Variants in ITPK1 observed in about 807,000 individuals in gnomAD.
ITPK1 encodes the protein inositol-tetrakisphosphate 1-kinase.
A neutral mutation model predicts 45.3 loss-of-function variants in ITPK1; 21 were observed. That is an observed-to-expected ratio of 0.46 (90% confidence interval 0.33 to 0.67). ITPK1 has a LOEUF of 0.67. ITPK1 is among the 30% of genes least tolerant of loss of function. ITPK1 has a pLI of 0.02. For missense variants in ITPK1, 474 were observed against 573.5 expected (o/e 0.83, Z 1.77); for synonymous variants, 258 against 253.6 (o/e 1.02, Z -0.16).
At chr14:93,093,036 G>A (rs959471501) in intron 2 of ITPK1, among the ~76,000 whole-genome samples, 7 of 152,222 alleles carry the variant, frequency 4.6e-5, no homozygotes, top group South Asian at 2.1e-4. Flanking sequence ...TCACAATGAC[G>A]CCCCCAGCTC....
intron 2 of ITPK1, among the ~76,000 whole-genome samples, chr14:93,077,027 G>A (rs975760720): frequency 2.6e-5 from 4 of 152,000 alleles, no homozygotes; most frequent in African/African-American, 7.3e-5. Flanking sequence ...ATCAGGTCTC[G>A]CCCCAGGACC....
chr14:92,993,784 G>A (rs1886907491), intron 5 of ITPK1, 96 bp downstream of exon 5: 1 of 767,628 alleles, frequency 1.3e-6, no homozygotes, highest in Admixed American at 1.9e-5. Context: ...TGCTTAAAAA[G>A]ACAAGACCCC....
At chr14:92,961,024 G>A (rs146425847) in intron 7 of ITPK1, among the ~76,000 whole-genome samples, 173 of 152,370 alleles carry the variant, frequency 1.1e-3, no homozygotes, top group East Asian at 0.011. Context: ...ATACTTCCCC[G>A]GAAGTGCAGG....
In ITPK1 at chr14:93,077,200, C is replaced by T. The variant is rs181962875; in HGVS notation, c.96-581G>A. Among the ~76,000 whole-genome samples the T allele has an allele frequency of 4.6e-5, 7 of 152,306 alleles. No homozygotes were observed. In the East Asian group the frequency reaches 1.4e-3, roughly 29 times the overall value. On this transcript the variant is annotated intron_variant, in intron 2 of 10. Coordinates refer to ENST00000267615, the MANE Select transcript of ITPK1 (RefSeq NM_014216.6). ...TACATCTTCCCCGCTCACATGCAGTCCCACGGCCACCACGTAACCTGACTC... is the reference window on the plus strand; with the variant it reads ...TACATCTTCCCCGCTCACATGCAGTTCCACGGCCACCACGTAACCTGACTC...
In ITPK1 at chr14:92,951,124, C is replaced by G. The variant is rs1045989610; in HGVS notation, c.738+822G>C. Among the ~76,000 whole-genome samples the G allele has an allele frequency of 2.6e-5, 4 of 152,244 alleles. No individual in the cohort carries two copies. In the East Asian group the frequency reaches 5.8e-4, roughly 22 times the overall value. ...GGAGGAAGAGACCAGCAAAGCCCCC[C>G]AGAAGAGCAGCACACATGCATCCTC... On this transcript the variant is annotated intron_variant, in intron 9 of 10. Transcript: ENST00000267615.
At chr14:93,066,308 G>A (rs1472724160) in intron 3 of ITPK1, 1 of 428,986 alleles carries the variant, frequency 2.3e-6, no homozygotes, top group Non-Finnish European at 4.7e-6. Context: ...GCGCGTGCAT[G>A]TGTGTGTGTG....
chr14:93,089,818 A>T (rs112587927), intron 2 of ITPK1, among the ~76,000 whole-genome samples: 2,539 of 152,264 alleles, frequency 0.017, 76 homozygotes, highest in African/African-American at 0.058. Flanking sequence ...CCATGGCTAC[A>T]GTCCCCAAAC....
intron 3 of ITPK1, among the ~76,000 whole-genome samples, chr14:93,061,530 TGA>T (rs1435785162): frequency 6.6e-6 from 1 of 152,026 alleles, no homozygotes; most frequent in Non-Finnish European, 1.5e-5. Flanking sequence ...GGAGGGCACA[TGA>T]GAGAGAAATG....
Position 93,016,859 on chromosome 14 carries a change from C to T in ITPK1, c.121-58G>A, listed in dbSNP as rs1168264100. ...ACTTCAGCACCTGAGTCCACTGCCC[C>T]CATCCTCTTGTCCACCCTGGGGCAT... On this transcript the variant is annotated intron_variant, in intron 3 of 10. Transcript: ENST00000267615. This position sits in a 1 kb window ranked among gnomAD's most constrained non-coding sequence, Gnocchi z 5.0. The T allele has an allele frequency of 1.3e-6, 2 of 1,599,608 alleles. No individual in the cohort carries two copies. The highest frequency in any genetic ancestry group is 2.2e-5 in the East Asian group (1 of 44,758).
intron 4 of ITPK1, among the ~76,000 whole-genome samples, chr14:93,009,630 G>A (rs991105476): frequency 6.6e-6 from 1 of 152,140 alleles, no homozygotes; most frequent in Non-Finnish European, 1.5e-5. Context: ...AGGAGGAGTC[G>A]CCTATGACCC....
intron 3 of ITPK1, among the ~76,000 whole-genome samples, chr14:93,060,640 G>A (rs573923618): frequency 3.9e-5 from 6 of 152,314 alleles, no homozygotes; most frequent in Admixed American, 3.9e-4. Context: ...ATTCAGGAAG[G>A]CCACGGGAGG....
chr14:92,952,136 G>T, intron 8 of ITPK1, 123 bp from the exon 9 acceptor site: 1 of 766,804 alleles, frequency 1.3e-6, no homozygotes, highest in Non-Finnish European at 2.2e-6. Context: ...GCTCTGCAGA[G>T]CCCTGGGCTC....
intron 2 of ITPK1, among the ~76,000 whole-genome samples, chr14:93,104,976 G>C (rs1566788611): frequency 6.6e-6 from 1 of 152,196 alleles, no homozygotes; most frequent in African/African-American, 2.4e-5. Flanking sequence ...TCGGTCCCAG[G>C]AATGTCTCTT....
At position 93,097,364 on chromosome 14, in the gene ITPK1, G is replaced by C. The variant is rs542014688; in HGVS notation, c.95+17705C>G. On this transcript the variant is annotated intron_variant, in intron 2 of 10. Coordinates refer to ENST00000267615, the MANE Select transcript of ITPK1 (RefSeq NM_014216.6). Reference sequence around the variant, plus strand: ...GAGGCCTTGGAAACATCCACTGTTAGTGTCAGGAACAAGCCCAGCAGCCTG... The same window carrying C: ...GAGGCCTTGGAAACATCCACTGTTACTGTCAGGAACAAGCCCAGCAGCCTG... 2.0e-5 allele frequency among the ~76,000 whole-genome samples: 3 copies of C among 152,312 alleles called. No individual in the cohort carries two copies. The East Asian group carries it at 5.8e-4, about 29-fold the overall frequency.
intron 3 of ITPK1, among the ~76,000 whole-genome samples, chr14:93,023,370 C>T (rs1487672999): frequency 6.6e-6 from 1 of 152,226 alleles, no homozygotes; most frequent in Non-Finnish European, 1.5e-5. Context: ...GACCAGCAAC[C>T]TTCCAGATGG....
chr14:92,987,522 AG>A (rs1259894065), intron 5 of ITPK1, among the ~76,000 whole-genome samples: 1 of 152,216 alleles, frequency 6.6e-6, no homozygotes, highest in Non-Finnish European at 1.5e-5. Context: ...GGACAGGAGC[AG>A]AACCCACAGA....
chr14:93,071,765 A>G (rs1891014218), intron 3 of ITPK1: 1 of 152,206 alleles, frequency 6.6e-6, no homozygotes, highest in African/African-American at 2.4e-5. Flanking sequence ...ATACTATCAC[A>G]GTGTATTTTA....
chr14:92,946,592 A>G (rs1595075414), intron 9 of ITPK1, 99 bp from the exon 10 acceptor site: 4 of 1,207,688 alleles, frequency 3.3e-6, no homozygotes, highest in Admixed American at 2.0e-5. Flanking sequence ...AGGCCCTGGC[A>G]TGCTTCAGGC....
intron 4 of ITPK1, among the ~76,000 whole-genome samples, chr14:93,004,891 G>C (rs965211980): frequency 6.6e-6 from 1 of 151,866 alleles, no homozygotes; most frequent in African/African-American, 2.4e-5. Context: ...AAGCAGAGGG[G>C]ACAGCAAAAG....
Sources: allele counts gnomAD v4.1 joint callset (sites outside exome capture counted in the v4.1 genomes callset), GRCh38; gene constraint gnomAD v4.1.1; non-coding constraint Gnocchi (gnomAD v3.1); transcripts MANE v1.5; gene names NCBI Gene and HGNC (gene_info 2026-07-23, HGNC 2026-07-21).